The following CDH13 variants were observed in gnomAD, a reference collection of about 807,000 sequenced individuals.
CDH13 encodes the protein cadherin 13.
In CDH13, 24 loss-of-function variants were observed where a neutral mutation model predicts 63.8. The ratio of observed to expected loss-of-function variants is 0.38; its 90% CI spans 0.27 to 0.53. The LOEUF (loss-of-function observed/expected upper bound fraction) is 0.53, where lower values mean the gene tolerates loss of function less well. Among genes scored for constraint, CDH13 ranks in the 20% least tolerant of loss-of-function variants. CDH13 has a pLI of 0.85. For synonymous variants in CDH13, 503 were observed against 355.3 expected (o/e 1.42, Z -4.67); for missense variants, 1,049 against 903.1 (o/e 1.16, Z -2.07).
chr16:82,812,089 T>C (rs2037473231), intron 1 of CDH13, among the ~76,000 whole-genome samples: 2 of 152,154 alleles, frequency 1.3e-5, no homozygotes, highest in African/African-American at 4.8e-5. Flanking sequence ...CCACCCTTTG[T>C]CTCTATGTAT....
chr16:83,558,748 T>C (rs1032149144), intron 7 of CDH13, among the ~76,000 whole-genome samples: 1 of 152,214 alleles, frequency 6.6e-6, no homozygotes, highest in East Asian at 1.9e-4. Flanking sequence ...CAGTAAGTTA[T>C]GTGGGCCCTT....
chr16:83,136,653 C>G (rs2036303778), intron 4 of CDH13, among the ~76,000 whole-genome samples: 1 of 152,132 alleles, frequency 6.6e-6, no homozygotes, highest in African/African-American at 2.4e-5. Flanking sequence ...CTCTGCCGGA[C>G]AGCTTCAGTA....
intron 4 of CDH13, among the ~76,000 whole-genome samples, chr16:83,170,838 G>C (rs1329568401): frequency 6.6e-6 from 1 of 152,194 alleles, no homozygotes; most frequent in African/African-American, 2.4e-5. Context: ...TTTTCAACAT[G>C]AGTGACCCTT....
chr16:83,282,302 A>T (rs1397589007), intron 5 of CDH13, among the ~76,000 whole-genome samples: 4 of 152,268 alleles, frequency 2.6e-5, no homozygotes, highest in Admixed American at 2.6e-4. Context: ...CCAAAATATG[A>T]TACCAAAACA....
chr16:83,716,174 T>C (rs1278745939), intron 10 of CDH13, among the ~76,000 whole-genome samples: 1 of 152,150 alleles, frequency 6.6e-6, no homozygotes, highest in Non-Finnish European at 1.5e-5. Flanking sequence ...AGTTCTCACA[T>C]GCTTCCTGCC....
intron 5 of CDH13, among the ~76,000 whole-genome samples, chr16:83,336,709 G>T (rs573198126): frequency 6.6e-6 from 1 of 152,330 alleles, no homozygotes; most frequent in East Asian, 1.9e-4. Flanking sequence ...AGAATCATCA[G>T]AGTTAAAGAG....
chr16:83,307,303 C>T (rs189295458), intron 5 of CDH13, among the ~76,000 whole-genome samples: 1 of 152,172 alleles, frequency 6.6e-6, no homozygotes, highest in Non-Finnish European at 1.5e-5. Context: ...TTATCCCCAG[C>T]ACGATTATTT....
chr16:82,821,152 T>C (rs1487109518), intron 1 of CDH13, among the ~76,000 whole-genome samples: 1 of 152,234 alleles, frequency 6.6e-6, no homozygotes, highest in East Asian at 1.9e-4. Flanking sequence ...GCTGAAGGTC[T>C]GTAATGCATT....
intron 6 of CDH13, among the ~76,000 whole-genome samples, chr16:83,437,210 T>G (rs2072331668): frequency 6.6e-6 from 1 of 152,284 alleles, no homozygotes; most frequent in African/African-American, 2.4e-5. Flanking sequence ...ATCAGCTGTG[T>G]GACCTTGGGT....
chr16:83,193,970 C>T (rs1430074010), intron 4 of CDH13, among the ~76,000 whole-genome samples: 1 of 152,182 alleles, frequency 6.6e-6, no homozygotes, highest in Non-Finnish European at 1.5e-5. Context: ...TTGCCCTCAT[C>T]CCCACAATAC....
At chr16:82,727,428 C>G (rs947285609) in intron 1 of CDH13, 1 of 152,104 alleles carries the variant, frequency 6.6e-6, no homozygotes, top group East Asian at 1.9e-4. Flanking sequence ...TAGCAGCCAC[C>G]GCAGCTTCTA....
intron 7 of CDH13, among the ~76,000 whole-genome samples, chr16:83,493,614 C>T (rs2074070375): frequency 1.3e-5 from 2 of 152,130 alleles, no homozygotes; most frequent in African/African-American, 4.8e-5. Context: ...TCACATGCTA[C>T]TTAAAGACTC....
At chr16:83,686,381 C>T (rs1359549828) in intron 10 of CDH13, among the ~76,000 whole-genome samples, 1 of 152,192 alleles carries the variant, frequency 6.6e-6, no homozygotes, top group Non-Finnish European at 1.5e-5. Context: ...ACTTTAGGCA[C>T]AGGACTAAGA....
At chr16:83,427,017 C>A (rs1056832351) in intron 6 of CDH13, among the ~76,000 whole-genome samples, 2 of 148,380 alleles carry the variant, frequency 1.3e-5, no homozygotes, top group African/African-American at 5.0e-5. Context: ...AGCTCCGCCT[C>A]CCAGGTTCAC....
chr16:83,567,164 A>G (rs1031623208), intron 7 of CDH13, among the ~76,000 whole-genome samples: 1 of 152,240 alleles, frequency 6.6e-6, no homozygotes, highest in Non-Finnish European at 1.5e-5. Flanking sequence ...AGCCAGGCTT[A>G]GCTGCCACTC....
At chr16:82,718,334 C>T (rs932998132) in intron 1 of CDH13, among the ~76,000 whole-genome samples, 1 of 152,182 alleles carries the variant, frequency 6.6e-6, no homozygotes, top group African/African-American at 2.4e-5. Context: ...TCCCAGTAAG[C>T]AGCCTCTGTA....
At chr16:83,553,297 T>G (rs988090639) in intron 7 of CDH13, among the ~76,000 whole-genome samples, 2 of 152,194 alleles carry the variant, frequency 1.3e-5, no homozygotes, top group Non-Finnish European at 2.9e-5. Flanking sequence ...TTTTTCCTGA[T>G]TCAAATAAAG....
intron 6 of CDH13, among the ~76,000 whole-genome samples, chr16:83,478,530 A>C (rs1386805446): frequency 6.6e-6 from 1 of 152,176 alleles, no homozygotes; most frequent in African/African-American, 2.4e-5. Context: ...CCACCATATG[A>C]AAATGTGGGA....
At chr16:83,268,207 A>G (rs79909577) in intron 5 of CDH13, among the ~76,000 whole-genome samples, 10,155 of 152,290 alleles carry the variant, frequency 0.067, 415 homozygotes, top group Middle Eastern at 0.15. Flanking sequence ...GTTTGTCTTT[A>G]GAACAGTGGT....
Sources: allele counts gnomAD v4.1 joint callset (sites outside exome capture counted in the v4.1 genomes callset), GRCh38; gene constraint gnomAD v4.1.1; transcripts MANE v1.5; gene names NCBI Gene and HGNC (gene_info 2026-07-23, HGNC 2026-07-21).